The following ALG8 variants were observed in gnomAD, a reference collection of about 807,000 sequenced individuals.
ALG8 encodes dolichyl pyrophosphate Glc1Man9GlcNAc2 alpha-1,3-glucosyltransferase.
In ALG8, 48 loss-of-function variants were observed where a neutral mutation model predicts 70.2. The observed-to-expected ratio is 0.68, with a 90% CI of 0.54 to 0.87. ALG8 has a LOEUF of 0.87. ALG8 is among the 40% of genes least tolerant of loss of function. The pLI is 0.00. For missense variants in ALG8, 572 were observed against 608.7 expected (o/e 0.94, Z 0.64); for synonymous variants, 234 against 229.0 (o/e 1.02, Z -0.20).
intron 4 of ALG8, among the ~76,000 whole-genome samples, 173 bp downstream of exon 4, chr11:78,120,892 C>T (rs1051125935): frequency 6.6e-6 from 1 of 152,162 alleles, no homozygotes; most frequent in Non-Finnish European, 1.5e-5. Context: ...ATACTCTAAC[C>T]TCAGAGTCCA....
chr11:78,117,010 C>A (rs1224841502), intron 5 of ALG8, among the ~76,000 whole-genome samples: 2 of 152,174 alleles, frequency 1.3e-5, no homozygotes, highest in Non-Finnish European at 2.9e-5. Flanking sequence ...AACAAATATT[C>A]ATTGAACACC....
At chr11:78,134,283 G>A (rs1178417716) in intron 1 of ALG8, among the ~76,000 whole-genome samples, 1 of 151,998 alleles carries the variant, frequency 6.6e-6, no homozygotes, top group Non-Finnish European at 1.5e-5. Flanking sequence ...GATCACAGGT[G>A]CCCACCACCA....
rs762561017 is a variant in ALG8 at position 78,124,226 on chromosome 11, A to C, written c.175-12T>G. The C allele has an allele frequency of 6.2e-7, 1 of 1,612,854 alleles. No individual in the cohort carries two copies. Among genetic ancestry groups the C allele is most frequent in the Non-Finnish European group, 8.5e-7 (1 of 1,178,824 alleles). ...CACTCTGAAGTTGCCTGTGATAAAA[A>C]TAGAAGATCAGACATATCCTAAATA... On this transcript the variant is annotated splice_polypyrimidine_tract_variant and intron_variant, in intron 2 of 12. Coordinates refer to ENST00000299626, the MANE Select transcript of ALG8 (RefSeq NM_024079.5).
intron 2 of ALG8, among the ~76,000 whole-genome samples, chr11:78,127,038 G>A (rs1861109984): frequency 6.6e-6 from 1 of 151,864 alleles, no homozygotes; most frequent in South Asian, 2.1e-4. Flanking sequence ...GGAGTGCAGT[G>A]GCGCGATCTC....
At chr11:78,107,154 GTA>G (rs998341672) in intron 9 of ALG8, among the ~76,000 whole-genome samples, 2 of 148,522 alleles carry the variant, frequency 1.3e-5, no homozygotes, top group Non-Finnish European at 3.0e-5. Flanking sequence ...CATTTGATGT[GTA>G]TATATATATT....
chr11:78,117,994 C>A (rs1208443064), intron 5 of ALG8, among the ~76,000 whole-genome samples: 1 of 151,042 alleles, frequency 6.6e-6, no homozygotes, highest in African/African-American at 2.4e-5. Context: ...TGGCGTGAAC[C>A]CAGGAGAAGG....
At chr11:78,138,092 T>A (rs1861622326) in intron 1 of ALG8, among the ~76,000 whole-genome samples, 1 of 152,168 alleles carries the variant, frequency 6.6e-6, no homozygotes, top group Admixed American at 6.5e-5. Flanking sequence ...ATGCCTGTAA[T>A]CCCAACATTA....
chr11:78,127,000 G>C (rs904933947), intron 2 of ALG8, among the ~76,000 whole-genome samples: 3 of 150,556 alleles, frequency 2.0e-5, no homozygotes, highest in Non-Finnish European at 3.0e-5. Flanking sequence ...TTTTTTTTGA[G>C]ACAGAGTCTC....
rs758182734 is a variant in ALG8, at chr11:78,123,995, T to C, written c.368+26A>G. The C allele has an allele frequency of 8.1e-6, 13 of 1,612,948 alleles. No homozygotes were observed. The South Asian group carries it at 9.9e-5, about 12-fold the overall frequency. ...TGTACTATTTTTTCAATACCTTCCA[T>C]ACAAAATGACATGCTCCAGACTTAC... On this transcript the variant is annotated intron_variant, in intron 3 of 12. Coordinates refer to ENST00000299626, the MANE Select transcript of ALG8 (RefSeq NM_024079.5).
At position 78,101,181 on chromosome 11, in the gene ALG8, A is replaced by G; in HGVS notation, c.1364T>C (p.Leu455Pro). The G allele has an allele frequency of 2.5e-6, 4 of 1,613,982 alleles. No homozygotes were observed. Among genetic ancestry groups the G allele is most frequent in the Middle Eastern group, 3.3e-4 (2 of 6,062 alleles). ...GTAGAAAGTTTCCATCCAATTAAAAAGAGGTTTTTCTTTTCTGAAGGAAAA... is the reference window on the plus strand; with the variant it reads ...GTAGAAAGTTTCCATCCAATTAAAAGGAGGTTTTTCTTTTCTGAAGGAAAA... The part of the protein sequence containing the change: ...LKTLFRKEKP[L>P]FNWMETFYLL... Residue 455 changes from leucine (L) to proline (P), a missense_variant, in exon 13 of 13, where the codon CTT becomes CCT. Transcript: ENST00000299626.
rs10899440 is a variant in ALG8 at position 78,114,229 on chromosome 11, A to G, written c.673+37T>C. 0.43 allele frequency: 699,051 copies of G among 1,611,950 alleles called. 155,368 individuals are homozygous for G. The highest frequency in any genetic ancestry group is 0.45 in the Non-Finnish European group (536,210 of 1,178,898). On this transcript the variant is annotated intron_variant, in intron 6 of 12. Transcript: ENST00000299626. ...CACCAAGTCAACACAGTAAGGGAAA[A>G]ATCGAAAATGTTTTTGCTATTATTA...
chr11:78,113,835 A>T (rs1860425515), intron 7 of ALG8, 51 bp downstream of exon 7: 1 of 1,403,322 alleles, frequency 7.1e-7, no homozygotes, highest in Non-Finnish European at 9.7e-7. Flanking sequence ...GGTTTTCTAA[A>T]CACCAACAAA....
intron 1 of ALG8, chr11:78,138,682 C>T: frequency 2.2e-6 from 1 of 453,860 alleles, no homozygotes; most frequent in South Asian, 1.6e-5. Flanking sequence ...AAGGCGGAAG[C>T]CAATATTAAT....
chr11:78,123,902 T>C, intron 3 of ALG8, 119 bp downstream of exon 3: 1 of 1,142,304 alleles, frequency 8.8e-7, no homozygotes, highest in Non-Finnish European at 1.3e-6. Flanking sequence ...TTTTTCATTG[T>C]TTTAGCATTT....
At chr11:78,123,689 G>A (rs1227719692) in intron 3 of ALG8, among the ~76,000 whole-genome samples, 2 of 152,082 alleles carry the variant, frequency 1.3e-5, no homozygotes, top group Admixed American at 1.3e-4. Flanking sequence ...AGCCTCTGGC[G>A]GCCTGCTGCA....
intron 9 of ALG8, among the ~76,000 whole-genome samples, chr11:78,109,073 T>C (rs1860168448): frequency 6.6e-6 from 1 of 152,212 alleles, no homozygotes; most frequent in African/African-American, 2.4e-5. Context: ...ATTTGGAATT[T>C]TGATGATTTA....
intron 10 of ALG8, 71 bp downstream of exon 10, chr11:78,106,736 G>A: frequency 6.3e-7 from 1 of 1,596,970 alleles, no homozygotes; most frequent in South Asian, 1.1e-5. Flanking sequence ...GACAAGAAGG[G>A]ACAGAGCAAA....
At chr11:78,118,132 T>C (rs7115272) in intron 5 of ALG8, among the ~76,000 whole-genome samples, 32,943 of 151,904 alleles carry the variant, frequency 0.22, 4,440 homozygotes, top group African/African-American at 0.38. Context: ...GCCATGTATT[T>C]GAGTAAGCCC....
At chr11:78,132,833 A>AT (rs55934753) in intron 1 of ALG8, among the ~76,000 whole-genome samples, 22,823 of 113,864 alleles carry the variant, frequency 0.2, 2,583 homozygotes, top group Middle Eastern at 0.29. Context: ...TTCTTCTTCC[A>AT]TTTTTTTTTT....
Sources: gnomAD v4.1 joint callset for allele counts (sites outside exome capture counted in the v4.1 genomes callset) on GRCh38, gnomAD v4.1.1 for gene constraint, MANE v1.5 for transcripts, NCBI Gene and HGNC (gene_info 2026-07-23, HGNC 2026-07-21) for gene names.